B3GNT3: variants seen among roughly 807,000 people sequenced by gnomAD.
B3GNT3 encodes the protein N-acetyllactosaminide beta-1,3-N-acetylglucosaminyltransferase 3.
Under a neutral mutation model 11.6 loss-of-function variants are expected in B3GNT3, and 7 were observed. The ratio of observed to expected loss-of-function variants is 0.60; its 90% CI spans 0.34 to 1.13. B3GNT3 has a LOEUF of 1.13. Among genes scored for constraint, B3GNT3 ranks in the 50% most tolerant of loss-of-function variants. The pLI is 0.03. For synonymous variants in B3GNT3, 201 were observed against 222.1 expected, an observed-to-expected ratio of 0.90 and a Z score of 0.85; for missense variants, 400 against 507.4, an observed-to-expected ratio of 0.79 and a Z score of 2.03.
chr19:17,812,476 A>C lies in B3GNT3; in HGVS notation c.*354A>C, dbSNP rs1339324717. ...CTCACCTACTCACAGACGGGATGCT[A>C]AGCAGTGCACCTGCAGTGGTTTAAT... On this transcript the variant is annotated 3_prime_UTR_variant, in exon 3 of 3. Coordinates refer to ENST00000318683, the MANE Select transcript of B3GNT3 (RefSeq NM_014256.4). 2 of 245,022 alleles carry C rather than the reference A, an allele frequency of 8.2e-6. No individual in the cohort carries two copies. Among genetic ancestry groups the C allele is most frequent in the East Asian group, 2.0e-4 (2 of 10,178 alleles). 15.2% of individuals were successfully genotyped at this position (245,022 alleles called of 1,614,324 possible).
chr19:17,795,248 G>A (rs2094158141), intron 1 of B3GNT3, 42 bp downstream of exon 1: 1 of 152,426 alleles, frequency 6.6e-6, no homozygotes, highest in Non-Finnish European at 1.5e-5. Context: ...GGACCCCAGT[G>A]GTGGGGGTTT....
intron 1 of B3GNT3, among the ~76,000 whole-genome samples, chr19:17,799,734 G>A (rs1324281521): frequency 6.6e-6 from 1 of 151,764 alleles, no homozygotes; most frequent in Non-Finnish European, 1.5e-5. Context: ...AGTCCTCCCA[G>A]CTGCAGGCAA....
Position 17,795,145 on chromosome 19 carries a change from T to G in B3GNT3, c.-112T>G, listed in dbSNP as rs1568388601. ...GAGCTCTGGCTCAGGTAAAAACTCT[T>G]TCTTCGGCTCGCGAGCTGAGAGGAG... On this transcript the variant is annotated 5_prime_UTR_variant, in exon 1 of 3. Coordinates refer to ENST00000318683, the MANE Select transcript of B3GNT3 (RefSeq NM_014256.4). 1 of 152,384 alleles carries G rather than the reference T, an allele frequency of 6.6e-6. No individual in the cohort carries two copies. Among genetic ancestry groups the G allele is most frequent in the Admixed American group, 6.5e-5 (1 of 15,282 alleles). The allele number at this position is 152,384 out of a possible 1,614,324, so 9.4% of individuals were successfully genotyped here.
In B3GNT3 at chr19:17,812,014, C is replaced by T; in HGVS notation, c.1011C>T (p.Tyr337=). 6.2e-7 allele frequency: 1 copy of T among 1,600,564 alleles called. No individual in the cohort carries two copies. Among genetic ancestry groups the T allele is most frequent in the Non-Finnish European group, 8.5e-7 (1 of 1,179,932 alleles). ...QRLSSFDPCF[Y]RDLLLVHRFL... The stretch of plus-strand genomic sequence containing the variant: ...TGTCCTCCTTTGACCCCTGCTTCTA[C>T]CGAGACCTGCTGCTGGTGCACCGCT... Residue 337 remains tyrosine (Y), a synonymous_variant, in exon 3 of 3, where the codon TAC becomes TAT. Transcript: ENST00000318683.
At chr19:17,809,807 C>A (rs2094178294) in intron 2 of B3GNT3, among the ~76,000 whole-genome samples, 1 of 152,012 alleles carries the variant, frequency 6.6e-6, no homozygotes, top group Non-Finnish European at 1.5e-5. Context: ...TGCCCATCTG[C>A]AGATGAGGAA....
intron 1 of B3GNT3, among the ~76,000 whole-genome samples, chr19:17,805,653 C>T (rs1043006146): frequency 9.2e-5 from 14 of 152,148 alleles, no homozygotes; most frequent in African/African-American, 3.4e-4. Context: ...GCACATGCTC[C>T]ACTCTGTCTG....
chr19:17,802,717 G>A (rs942522286), intron 1 of B3GNT3, among the ~76,000 whole-genome samples: 3 of 151,988 alleles, frequency 2.0e-5, no homozygotes, highest in African/African-American at 7.3e-5. Context: ...ACAGGGTCTC[G>A]CTTTGCCACC....
chr19:17,811,911 G>A lies in B3GNT3; in HGVS notation c.908G>A (p.Cys303Tyr). 1 of 1,613,600 alleles carries A rather than the reference G, an allele frequency of 6.2e-7. No individual in the cohort carries two copies. The highest frequency in any genetic ancestry group is 1.1e-5 in the South Asian group (1 of 91,080). Residue 303 changes from cysteine (C) to tyrosine (Y), a missense_variant, in exon 3 of 3, where the codon TGT becomes TAT. By Grantham distance (194) the Cys-to-Tyr change is radical (BLOSUM62 -2). Transcript: ENST00000318683. This position sits in a 1 kb window ranked among gnomAD's most constrained non-coding sequence, Gnocchi z 4.1. The stretch of plus-strand genomic sequence containing the variant: ...ATTGATGATGTCTTCCTGGGTATGT[G>A]TCTGGAGCTTGAGGGACTGAAGCCT... The part of the protein sequence containing the change: ...FPIDDVFLGM[C>Y]LELEGLKPAS...
chr19:17,809,490 A>C (rs922296230), intron 2 of B3GNT3, among the ~76,000 whole-genome samples: 1 of 151,068 alleles, frequency 6.6e-6, no homozygotes, highest in Non-Finnish European at 1.5e-5. Flanking sequence ...TCTGTCCCCC[A>C]GGCTGGAGTG....
Position 17,807,819 on chromosome 19 carries a change from C to CCGGCA in B3GNT3, c.14_18dup (p.Arg7GlyfsTer24). The CCGGCA allele has an allele frequency of 6.2e-7, 1 of 1,609,194 alleles. No individual in the cohort carries two copies. Among genetic ancestry groups the CCGGCA allele is most frequent in the Non-Finnish European group, 8.5e-7 (1 of 1,176,718 alleles). On this transcript the variant is annotated frameshift_variant, in exon 2 of 3. Transcript: ENST00000318683. LOFTEE classifies it high-confidence loss of function. ...CCTGGCTGGCCAGGATGAAGTATCT[C>CCGGCA]CGGCACCGGCGGCCCAATGCCACCC...
intron 1 of B3GNT3, among the ~76,000 whole-genome samples, chr19:17,799,501 C>T (rs920342106): frequency 1.2e-4 from 19 of 152,090 alleles, no homozygotes; most frequent in African/African-American, 4.1e-4. Context: ...AACTCCTGAC[C>T]TCATGATTCG....
At chr19:17,800,416 A>T (rs1327014823) in intron 1 of B3GNT3, among the ~76,000 whole-genome samples, 1 of 152,112 alleles carries the variant, frequency 6.6e-6, no homozygotes, top group East Asian at 1.9e-4. Context: ...AGGGCGACAG[A>T]GGTGCCTGGA....
chr19:17,796,236 G>T (rs73524219), intron 1 of B3GNT3, among the ~76,000 whole-genome samples: 10,997 of 152,050 alleles, frequency 0.072, 1,329 homozygotes, highest in African/African-American at 0.25. Context: ...GACTACAGGT[G>T]CACACCACAG....
At chr19:17,795,290 C>A (rs1265051767) in intron 1 of B3GNT3, 84 bp downstream of exon 1, 1 of 152,204 alleles carries the variant, frequency 6.6e-6, no homozygotes, top group Admixed American at 6.5e-5. Context: ...CTGGAGAAGC[C>A]CCTGCCGGTC....
Position 17,811,939 on chromosome 19 carries a change from C to T in B3GNT3, c.936C>T (p.Ala312=), listed in dbSNP as rs1371823394. The change falls in exon 3 of 3, where the codon GCC becomes GCT. Residue 312 remains alanine (A), a synonymous_variant. Coordinates refer to ENST00000318683, the MANE Select transcript of B3GNT3 (RefSeq NM_014256.4). The surrounding 1 kb of genome is among the most constrained non-coding windows in gnomAD (Gnocchi z 4.1). ...MCLELEGLKP[A]SHSGIRTSGV... is the part of the protein sequence containing the mutation. Reference sequence around the variant, plus strand: ...TGGAGCTTGAGGGACTGAAGCCTGCCTCCCACAGCGGCATCCGCACGTCTG... The same window carrying T: ...TGGAGCTTGAGGGACTGAAGCCTGCTTCCCACAGCGGCATCCGCACGTCTG... The T allele has an allele frequency of 1.2e-6, 2 of 1,612,290 alleles. No homozygotes were observed. Among genetic ancestry groups the T allele is most frequent in the Admixed American group, 1.7e-5 (1 of 60,024 alleles).
chr19:17,795,680 C>T (rs749802142), intron 1 of B3GNT3, among the ~76,000 whole-genome samples: 4 of 152,166 alleles, frequency 2.6e-5, no homozygotes, highest in Admixed American at 6.6e-5. Flanking sequence ...GGTGGCTGGG[C>T]GGCATTCCAG....
chr19:17,811,807 T>A lies in B3GNT3; in HGVS notation c.804T>A (p.Cys268Ter). 1 of 1,614,236 alleles carries A rather than the reference T, an allele frequency of 6.2e-7. No individual in the cohort carries two copies. Among genetic ancestry groups the A allele is most frequent in the South Asian group, 1.1e-5 (1 of 91,092 alleles). ...VTQNERYPPYCGGGGFLLSRF... is the reference protein window; with the variant it reads ...VTQNERYPPY ...AGAATGAGCGGTACCCACCCTATTG[T>A]GGGGGTGGTGGCTTCTTGCTGTCCC... The change falls in exon 3 of 3, where the codon TGT (cysteine) becomes TGA (stop). Residue 268 changes from cysteine to a stop codon, truncating the protein, a stop_gained. Coordinates refer to ENST00000318683, the MANE Select transcript of B3GNT3 (RefSeq NM_014256.4). LOFTEE classifies it low-confidence loss of function (END_TRUNC). The surrounding 1 kb of genome is among the most constrained non-coding windows in gnomAD (Gnocchi z 4.1).
Position 17,807,915 on chromosome 19 carries a change from C to T in B3GNT3, c.108C>T (p.Val36=). Residue 36 remains valine (V), a synonymous_variant, in exon 2 of 3, where the codon GTC becomes GTT. Coordinates refer to ENST00000318683, the MANE Select transcript of B3GNT3 (RefSeq NM_014256.4). ...SLLVSPPTCK[V]QEQPPAIPEA... is the part of the protein sequence containing the mutation. ...TAGTGTCACCACCCACCTGCAAGGT[C>T]CAGGAGCAGCCACCGGCGATCCCCG... is the stretch of plus-strand genomic sequence containing the variant. The T allele has an allele frequency of 6.2e-7, 1 of 1,613,546 alleles. No individual in the cohort carries two copies. Among genetic ancestry groups the T allele is most frequent in the Non-Finnish European group, 8.5e-7 (1 of 1,179,972 alleles).
intron 2 of B3GNT3, among the ~76,000 whole-genome samples, chr19:17,809,926 G>GCC (rs1332338606): frequency 6.6e-6 from 1 of 152,114 alleles, no homozygotes; most frequent in African/African-American, 2.4e-5. Flanking sequence ...CTCATAGGAG[G>GCC]TACAGACAGG....
Sources: allele counts gnomAD v4.1 joint callset (sites outside exome capture counted in the v4.1 genomes callset), GRCh38; gene constraint gnomAD v4.1.1; non-coding constraint Gnocchi (gnomAD v3.1); transcripts MANE v1.5; gene names NCBI Gene and HGNC (gene_info 2026-07-23, HGNC 2026-07-21).